The following ERAP2 variants were observed in gnomAD, a reference collection of about 807,000 sequenced individuals.
ERAP2 encodes leukocyte-derived arginine aminopeptidase.
ERAP2 carries 118 observed loss-of-function variants against 111.1 expected under a neutral mutation model. That is an observed-to-expected ratio of 1.06 (90% CI 0.92 to 1.24). The LOEUF (loss-of-function observed/expected upper bound fraction) is 1.24, where lower values mean the gene tolerates loss of function less well. Ranked by LOEUF, ERAP2 falls within the 50% of genes most tolerant of loss-of-function variation. The probability of loss-of-function intolerance (pLI) is 0.00; values close to 1 mark genes in which losing one functional copy is unlikely to be tolerated. For synonymous variants in ERAP2, 410 were observed against 401.2 expected, an observed-to-expected ratio of 1.02 and a Z score of -0.26; for missense variants, 1,131 against 1,125.8, an observed-to-expected ratio of 1.00 and a Z score of -0.07.
rs1016234934 is a variant in ERAP2, at chr5:96,917,474, T to C, written c.2752T>C (p.Phe918Leu). Residue 918 changes from phenylalanine to leucine, a missense_variant, in exon 19 of 19, where the codon TTT (phenylalanine) becomes CTT (leucine). Physicochemically the swap from Phe to Leu is conservative, Grantham distance 22. This residue lies in a region of ERAP2 where 279 missense variants were observed against 250.9 expected (regional missense o/e 1.11). Transcript: ENST00000437043. Reference protein sequence around the residue: ...KDKLQEVKLFFESLEAQGSHL... With the variant: ...KDKLQEVKLFLESLEAQGSHL... ...CAATATTTTACAGGTGAAACTATTT[T>C]TTGAATCTCTTGAGGCTCAAGGATC... The C allele has an allele frequency of 7.5e-6, 12 of 1,610,412 alleles. No individual in the cohort carries two copies. In the African/African-American group the frequency reaches 1.2e-4, roughly 16 times the overall value.
intron 2 of ERAP2, 32 bp from the exon 3 acceptor site, chr5:96,883,760 T>C: frequency 6.3e-7 from 1 of 1,591,474 alleles, no homozygotes; most frequent in East Asian, 2.3e-5. Context: ...ATTTCACTTG[T>C]GCATTTTGGC....
intron 2 of ERAP2, among the ~76,000 whole-genome samples, chr5:96,882,194 ACTT>A (rs1167484953): frequency 6.6e-6 from 1 of 152,200 alleles, no homozygotes; most frequent in Non-Finnish European, 1.5e-5. Flanking sequence ...AAAAGTGTCA[ACTT>A]CTTCTCACTA....
chr5:96,901,635 C>A lies in ERAP2; in HGVS notation c.1702C>A (p.Gln568Lys). ...SLRLQQERFL[Q>K]GVFQEDPEWR... ...CCGACTGCAACAGGAGCGCTTCCTC[C>A]AGGGGGTTTTCCAGGAAGACCCTGA... is the stretch of plus-strand genomic sequence containing the variant. The change falls in exon 11 of 19, where the codon CAG becomes AAG. Residue 568 changes from glutamine to lysine, a missense_variant. Around this residue, in one of 3 missense-constraint regions of ERAP2, gnomAD observed 847 missense variants for 856.5 expected, o/e 0.99. Transcript: ENST00000437043. The A allele has an allele frequency of 6.2e-7, 1 of 1,614,064 alleles. No individual in the cohort carries two copies. Among genetic ancestry groups the A allele is most frequent in the Non-Finnish European group, 8.5e-7 (1 of 1,179,960 alleles).
intron 5 of ERAP2, 132 bp downstream of exon 5, chr5:96,889,437 T>C: frequency 9.9e-7 from 1 of 1,013,932 alleles, no homozygotes; most frequent in Non-Finnish European, 1.6e-6. Flanking sequence ...AAATAATTTG[T>C]TCCTCAGAGA....
chr5:96,916,269 GC>G, intron 18 of ERAP2, among the ~76,000 whole-genome samples: 1 of 150,984 alleles, frequency 6.6e-6, no homozygotes, highest in South Asian at 2.1e-4. Flanking sequence ...GCAAAAAAAA[GC>G]CCCTGACTCT....
rs1561394996 is a variant in ERAP2, at chr5:96,909,137, A to C, written c.2169+20A>C. 1.2e-6 allele frequency: 2 copies of C among 1,610,586 alleles called. No homozygotes were observed. Among genetic ancestry groups the C allele is most frequent in the Non-Finnish European group, 1.7e-6 (2 of 1,177,076 alleles). On this transcript the variant is annotated intron_variant, in intron 14 of 18. Coordinates refer to ENST00000437043, the MANE Select transcript of ERAP2 (RefSeq NM_022350.5). ...CTCAAGGTTTGTGTTGCTTTTAGAA[A>C]ATGTATTAAGTAAATACACAGTGTC...
chr5:96,878,672 G>A (rs1217010333), intron 1 of ERAP2, among the ~76,000 whole-genome samples: 1 of 152,030 alleles, frequency 6.6e-6, no homozygotes, highest in Non-Finnish European at 1.5e-5. Flanking sequence ...CCACGCCTGT[G>A]ATCTCAGCAC....
At chr5:96,875,997 C>T (rs1005694906), upstream of ERAP2, 1 of 152,468 alleles carries the variant, frequency 6.6e-6, no homozygotes. Flanking sequence ...ATACAGTCCC[C>T]TCGTGCCCAA....
In ERAP2 at chr5:96,878,404, G is replaced by A. The variant is rs62376453; in HGVS notation, c.-122-1160G>A. On this transcript the variant is annotated intron_variant, in intron 1 of 18. Transcript: ENST00000437043. ...GAGGTGAAGTTCAATGCCATTCGTA[G>A]TAATAATAATATCTGGTATCCAAAG... Among the ~76,000 whole-genome samples, 6 of 151,734 alleles carry A rather than the reference G, an allele frequency of 4.0e-5. No homozygotes were observed. In the South Asian group the frequency reaches 1.0e-3, roughly 26 times the overall value.
At chr5:96,887,218 T>C (rs940501135) in intron 4 of ERAP2, among the ~76,000 whole-genome samples, 1 of 151,672 alleles carries the variant, frequency 6.6e-6, no homozygotes, top group African/African-American at 2.4e-5. Context: ...CATTTAAAAT[T>C]TTAAATAATA....
At chr5:96,880,636 G>C (rs1408187545) in intron 2 of ERAP2, among the ~76,000 whole-genome samples, 5 of 152,234 alleles carry the variant, frequency 3.3e-5, no homozygotes, top group Admixed American at 1.3e-4. Flanking sequence ...GATTGGGAGA[G>C]AGGAAGTGAC....
intron 10 of ERAP2, 32 bp downstream of exon 10, chr5:96,900,221 G>C (rs752109941): frequency 1.2e-6 from 2 of 1,612,332 alleles, no homozygotes; most frequent in East Asian, 4.5e-5. Context: ...GAGTAGAAGA[G>C]ATCTGTGGAA....
At position 96,902,356 on chromosome 5, in the gene ERAP2, A is replaced by G. The variant is rs750392397; in HGVS notation, c.1828+3A>G. On this transcript the variant is annotated splice_donor_region_variant and intron_variant, in intron 12 of 18. Transcript: ENST00000437043. Reference sequence around the variant, plus strand: ...ACACATTCTAAAATCAAAGACAGGTAATGAACTAATTAGCCAAACAGGTAT... The same window carrying G: ...ACACATTCTAAAATCAAAGACAGGTGATGAACTAATTAGCCAAACAGGTAT... The G allele has an allele frequency of 3.1e-6, 5 of 1,594,120 alleles. No homozygotes were observed. In the South Asian group the frequency reaches 5.5e-5, roughly 18 times the overall value.
At chr5:96,908,934 A>G (rs2549795) in intron 13 of ERAP2, 27 bp from the exon 14 acceptor site, 827,789 of 1,594,562 alleles carry the variant, frequency 0.52, 216,710 homozygotes, top group Admixed American at 0.61. Context: ...ATATGCACAA[A>G]CCACTGACAT....
intron 17 of ERAP2, among the ~76,000 whole-genome samples, chr5:96,915,308 C>T (rs928382800): frequency 6.6e-6 from 1 of 151,972 alleles, no homozygotes; most frequent in African/African-American, 2.4e-5. Flanking sequence ...CGCGCCCAGC[C>T]CATATAATTT....
At chr5:96,916,562 C>G (rs1270499891) in intron 18 of ERAP2, among the ~76,000 whole-genome samples, 1 of 146,888 alleles carries the variant, frequency 6.8e-6, no homozygotes, top group Non-Finnish European at 1.5e-5. Context: ...CTCCCAGGTT[C>G]ACGCCATTCT....
chr5:96,883,107 C>G (rs990328573), intron 2 of ERAP2, among the ~76,000 whole-genome samples: 18 of 152,154 alleles, frequency 1.2e-4, no homozygotes, highest in Non-Finnish European at 2.4e-4. Context: ...GTGCCACAGA[C>G]AGACCATTAG....
At chr5:96,880,495 T>G (rs1783014615) in intron 2 of ERAP2, among the ~76,000 whole-genome samples, 1 of 152,190 alleles carries the variant, frequency 6.6e-6, no homozygotes, top group African/African-American at 2.4e-5. Context: ...GGCCAGTATA[T>G]GACTGATATG....
At position 96,902,322 on chromosome 5, in the gene ERAP2, G is replaced by C. The variant is rs761525648; in HGVS notation, c.1797G>C (p.Val599=). 1 of 1,612,122 alleles carries C rather than the reference G, an allele frequency of 6.2e-7. No individual in the cohort carries two copies. Among genetic ancestry groups the C allele is most frequent in the South Asian group, 1.1e-5 (1 of 90,996 alleles). ...PLTYSTSSSN[V]IHRHILKSKT... is the part of the protein sequence containing the mutation. ...CCTACTCCACGAGTTCTTCTAATGT[G>C]ATCCACAGACACATTCTAAAATCAA... The change falls in exon 12 of 19, where the codon GTG becomes GTC. Residue 599 remains valine, a synonymous_variant. Coordinates refer to ENST00000437043, the MANE Select transcript of ERAP2 (RefSeq NM_022350.5).
Sources: gnomAD v4.1 joint callset for allele counts (sites outside exome capture counted in the v4.1 genomes callset) on GRCh38, gnomAD v4.1.1 for gene constraint, gnomAD v4.1.1 regional missense constraint, MANE v1.5 for transcripts, NCBI Gene and HGNC (gene_info 2026-07-23, HGNC 2026-07-21) for gene names.